The following LHFPL4 variants were observed in gnomAD, a reference collection of about 807,000 sequenced individuals.
The protein encoded by LHFPL4 is LHFPL tetraspan subfamily member 4 protein.
A neutral mutation model predicts 20.0 loss-of-function variants in LHFPL4; 6 were observed. The observed-to-expected ratio is 0.30, with a 90% CI of 0.16 to 0.59. The LOEUF (loss-of-function observed/expected upper bound fraction) is 0.59. LHFPL4 is among the 20% of genes least tolerant of loss of function. The pLI, the probability that LHFPL4 is intolerant of heterozygous loss-of-function variation, is 0.88. For synonymous variants in LHFPL4, 129 were observed against 143.8 expected (o/e 0.90, Z 0.74); for missense variants, 215 against 331.2 (o/e 0.65, Z 2.72).
intron 2 of LHFPL4, among the ~76,000 whole-genome samples, chr3:9,539,212 G>A (rs1229789019): frequency 6.6e-6 from 1 of 152,072 alleles, no homozygotes; most frequent in Non-Finnish European, 1.5e-5. Context: ...CCAGCACTTT[G>A]GGAGGCTGAG....
intron 2 of LHFPL4, among the ~76,000 whole-genome samples, chr3:9,518,925 G>GTTTGTTTATTTATTTATTTA (rs1553647114): frequency 4.8e-4 from 69 of 145,144 alleles, no homozygotes; most frequent in African/African-American, 1.6e-3. Context: ...GCTAATTTTT[G>GTTTGTTTATTTATTTATTTA]TTTATTTATT....
chr3:9,548,591 G>A (rs912455971), intron 2 of LHFPL4, among the ~76,000 whole-genome samples: 13 of 152,276 alleles, frequency 8.5e-5, no homozygotes, highest in South Asian at 2.1e-4. Context: ...CTGCTGCTCC[G>A]GGTTTCCATG....
intron 2 of LHFPL4, among the ~76,000 whole-genome samples, chr3:9,524,316 T>C (rs2046360192): frequency 6.6e-6 from 1 of 152,124 alleles, no homozygotes; most frequent in African/African-American, 2.4e-5. Context: ...TTTTCAGTCA[T>C]TATTATTCCA....
chr3:9,518,972 C>A (rs2046321040), intron 2 of LHFPL4, among the ~76,000 whole-genome samples: 2 of 134,586 alleles, frequency 1.5e-5, no homozygotes, highest in South Asian at 4.9e-4. Flanking sequence ...GTCTCTCTCT[C>A]TGTTGCCCAA....
At chr3:9,507,740 A>G (rs2046228561) in intron 2 of LHFPL4, among the ~76,000 whole-genome samples, 1 of 151,930 alleles carries the variant, frequency 6.6e-6, no homozygotes, top group South Asian at 2.1e-4. Flanking sequence ...CACTTAGCCT[A>G]GTGGATGAGA....
chr3:9,536,050 C>T (rs1224115224), intron 2 of LHFPL4, among the ~76,000 whole-genome samples: 2 of 152,128 alleles, frequency 1.3e-5, no homozygotes, highest in Non-Finnish European at 2.9e-5. Flanking sequence ...ATCTGCCCAC[C>T]TCACCCAAAG....
chr3:9,506,632 G>C lies in LHFPL4; in HGVS notation c.407-429C>G, dbSNP rs1478980180. On this transcript the variant is annotated intron_variant, in intron 2 of 3. Transcript: ENST00000287585. This position sits in a 1 kb window ranked among gnomAD's most constrained non-coding sequence, Gnocchi z 4.5. ...GTCTCGCTCTGTTGCCCAGGGTGGA[G>C]TGCAATGGCGTGATCTCGGCTCACT... is the stretch of plus-strand genomic sequence containing the variant. 6.6e-6 allele frequency among the ~76,000 whole-genome samples: 1 copy of C among 150,464 alleles called. No homozygotes were observed. Among genetic ancestry groups the C allele is most frequent in the Non-Finnish European group, 1.5e-5 (1 of 67,820 alleles).
At chr3:9,504,567 T>C (rs1395946969) in intron 3 of LHFPL4, among the ~76,000 whole-genome samples, 2 of 152,200 alleles carry the variant, frequency 1.3e-5, no homozygotes, top group Non-Finnish European at 2.9e-5. Context: ...GGCTCACACC[T>C]GTAATCCCAG....
intron 1 of LHFPL4, among the ~76,000 whole-genome samples, chr3:9,553,077 T>G (rs1574859296): frequency 1.3e-4 from 19 of 141,484 alleles, no homozygotes; most frequent in African/African-American, 2.4e-4. Context: ...CAAGGGGAGG[T>G]GGAATGGAGG....
At chr3:9,504,960 CATT>C (rs1193675911) in intron 3 of LHFPL4, among the ~76,000 whole-genome samples, 1 of 151,476 alleles carries the variant, frequency 6.6e-6, no homozygotes, top group Non-Finnish European at 1.5e-5. Context: ...CCTCTCTCAA[CATT>C]ATATTACTGA....
intron 2 of LHFPL4, among the ~76,000 whole-genome samples, chr3:9,534,321 C>G (rs1366435614): frequency 6.6e-6 from 1 of 152,026 alleles, no homozygotes; most frequent in Non-Finnish European, 1.5e-5. Context: ...TATAGTGCCC[C>G]TTTGCAGTAG....
intron 2 of LHFPL4, among the ~76,000 whole-genome samples, chr3:9,551,562 G>A (rs550678098): frequency 2.4e-4 from 37 of 152,190 alleles, no homozygotes; most frequent in Admixed American, 1.8e-3. Context: ...CAAACATTTC[G>A]GAGGGTCTCA....
intron 2 of LHFPL4, among the ~76,000 whole-genome samples, chr3:9,532,323 C>G (rs983479806): frequency 1.3e-5 from 2 of 151,554 alleles, no homozygotes; most frequent in African/African-American, 4.9e-5. Flanking sequence ...GCCACCGTGC[C>G]CGGCCTTGAG....
intron 2 of LHFPL4, among the ~76,000 whole-genome samples, chr3:9,519,085 A>G (rs1416909351): frequency 6.6e-6 from 1 of 151,944 alleles, no homozygotes; most frequent in Non-Finnish European, 1.5e-5. Flanking sequence ...TTACAGGCGC[A>G]TGCCACCATG....
At chr3:9,553,021 G>A (rs2046567140) in intron 1 of LHFPL4, among the ~76,000 whole-genome samples, 174 bp from the exon 2 acceptor site, 1 of 147,478 alleles carries the variant, frequency 6.8e-6, no homozygotes, top group African/African-American at 2.5e-5. Flanking sequence ...CCATGGGGGA[G>A]TTGGGGAGGG....
intron 2 of LHFPL4, among the ~76,000 whole-genome samples, chr3:9,533,144 G>A (rs1163432099): frequency 1.3e-5 from 2 of 152,210 alleles, no homozygotes; most frequent in East Asian, 3.8e-4. Context: ...TCCAAAAGCT[G>A]CTTGCTGTAG....
rs2648593 is a variant in LHFPL4 at position 9,553,690 on chromosome 3, C to T, written c.-174G>A. 53,180 of 150,794 alleles carry T rather than the reference C, an allele frequency of 0.35. 10,240 individuals carry two copies. Among genetic ancestry groups the T allele is most frequent in the African/African-American group, 0.51 (21,215 of 41,268 alleles). 9.3% of individuals were successfully genotyped at this position (150,794 alleles called of 1,614,324 possible). A position where few individuals can be genotyped will look rare whatever the true frequency, so the allele number is the denominator to read the frequency against. On this transcript the variant is annotated 5_prime_UTR_variant, in exon 1 of 4. Coordinates refer to ENST00000287585, the MANE Select transcript of LHFPL4 (RefSeq NM_198560.3). ...AAGGGTGCGGGGAGACCAACCTGGG[C>T]ACGGCCGGAGGCAGCGGATCCGGGA...
intron 2 of LHFPL4, among the ~76,000 whole-genome samples, chr3:9,530,577 T>C (rs1018054087): frequency 6.6e-6 from 1 of 152,170 alleles, no homozygotes; most frequent in Non-Finnish European, 1.5e-5. Context: ...ATATCTGAAA[T>C]AAGGCTGTTT....
chr3:9,541,599 C>T (rs2046476689), intron 2 of LHFPL4, among the ~76,000 whole-genome samples: 1 of 151,882 alleles, frequency 6.6e-6, no homozygotes, highest in Non-Finnish European at 1.5e-5. Context: ...TGGTGAAAAC[C>T]TGTCTCTACT....
Sources: gnomAD v4.1 joint callset for allele counts (sites outside exome capture counted in the v4.1 genomes callset) on GRCh38, gnomAD v4.1.1 for gene constraint, Gnocchi (gnomAD v3.1) non-coding constraint, MANE v1.5 for transcripts, NCBI Gene and HGNC (gene_info 2026-07-23, HGNC 2026-07-21) for gene names.